The following CHCHD6 variants were observed in gnomAD, a reference collection of about 807,000 sequenced individuals.
CHCHD6 encodes MICOS complex subunit MIC25.
A neutral mutation model predicts 32.3 loss-of-function variants in CHCHD6; 28 were observed. The observed-to-expected ratio is 0.87, with a 90% CI of 0.64 to 1.19. The LOEUF is 1.19. CHCHD6 is among the 50% of genes most tolerant of loss of function. The pLI is 0.00. For synonymous variants in CHCHD6, 122 were observed against 117.5 expected, an observed-to-expected ratio of 1.04 and a Z score of -0.25; for missense variants, 333 against 307.0, an observed-to-expected ratio of 1.08 and a Z score of -0.63.
At chr3:126,833,414 G>A (rs1940720297) in intron 4 of CHCHD6, among the ~76,000 whole-genome samples, 1 of 152,230 alleles carries the variant, frequency 6.6e-6, no homozygotes, top group Non-Finnish European at 1.5e-5. Context: ...CTGCATAAAT[G>A]TGTTAAATTT....
intron 4 of CHCHD6, among the ~76,000 whole-genome samples, chr3:126,737,297 C>T (rs1057327719): frequency 5.3e-5 from 8 of 151,238 alleles, no homozygotes; most frequent in South Asian, 2.1e-4. Flanking sequence ...CCAGCCTGGG[C>T]GACACGGTGA....
intron 4 of CHCHD6, among the ~76,000 whole-genome samples, chr3:126,843,303 G>A (rs1020050016): frequency 2.6e-5 from 4 of 152,066 alleles, no homozygotes; most frequent in African/African-American, 9.7e-5. Flanking sequence ...GAACTGATTT[G>A]CCAGTTTTTC....
At chr3:126,861,322 T>A (rs900343171) in intron 5 of CHCHD6, among the ~76,000 whole-genome samples, 1 of 151,990 alleles carries the variant, frequency 6.6e-6, no homozygotes, top group Non-Finnish European at 1.5e-5. Flanking sequence ...CTTCCCAACG[T>A]GTGTACTAAC....
Position 126,926,658 on chromosome 3 carries a change from G to A in CHCHD6, c.566+11908G>A, listed in dbSNP as rs549042519. Among the ~76,000 whole-genome samples the A allele has an allele frequency of 2.4e-4, 36 of 152,328 alleles. No individual in the cohort carries two copies. In the East Asian group the frequency reaches 5.2e-3, roughly 22 times the overall value. Reference sequence around the variant, plus strand: ...GAGAGGGTAGAGATGAGGCTGGTGGGACAGGGTGGTCCCAATGTGAAGAGC... The same window carrying A: ...GAGAGGGTAGAGATGAGGCTGGTGGAACAGGGTGGTCCCAATGTGAAGAGC... On this transcript the variant is annotated intron_variant, in intron 6 of 7. Coordinates refer to ENST00000290913, the MANE Select transcript of CHCHD6 (RefSeq NM_032343.3).
At chr3:126,913,505 T>C (rs1380820880) in intron 5 of CHCHD6, among the ~76,000 whole-genome samples, 2 of 152,026 alleles carry the variant, frequency 1.3e-5, no homozygotes, top group East Asian at 3.9e-4. Context: ...AAAGTGCCCA[T>C]GTGAGGCTTT....
intron 4 of CHCHD6, among the ~76,000 whole-genome samples, chr3:126,761,896 G>T (rs998896920): frequency 1.3e-5 from 2 of 152,126 alleles, no homozygotes; most frequent in African/African-American, 4.8e-5. Flanking sequence ...GTGTTTCTAA[G>T]AATTAGTCTT....
chr3:126,823,895 A>G (rs1263433581), intron 4 of CHCHD6, among the ~76,000 whole-genome samples: 1 of 151,946 alleles, frequency 6.6e-6, no homozygotes, highest in Non-Finnish European at 1.5e-5. Context: ...AAACAAAAAC[A>G]AAAACAAAAA....
chr3:126,765,955 G>A (rs1576389309), intron 4 of CHCHD6, among the ~76,000 whole-genome samples: 1 of 152,218 alleles, frequency 6.6e-6, no homozygotes, highest in Admixed American at 6.5e-5. Context: ...CAAAGCATGT[G>A]AGCGTGGTTT....
At chr3:126,882,803 T>C (rs1044017201) in intron 5 of CHCHD6, among the ~76,000 whole-genome samples, 1 of 152,150 alleles carries the variant, frequency 6.6e-6, no homozygotes, top group Admixed American at 6.5e-5. Flanking sequence ...AAATATATAT[T>C]TGGTATTCTG....
chr3:126,942,669 C>T (rs2078577384), intron 6 of CHCHD6, among the ~76,000 whole-genome samples: 1 of 152,142 alleles, frequency 6.6e-6, no homozygotes, highest in Non-Finnish European at 1.5e-5. Context: ...CCTTTCTCTG[C>T]CCCAGCCCTG....
chr3:126,834,949 T>G (rs1416456460), intron 4 of CHCHD6, among the ~76,000 whole-genome samples: 1 of 152,130 alleles, frequency 6.6e-6, no homozygotes, highest in Non-Finnish European at 1.5e-5. Flanking sequence ...AGCCCTGGTG[T>G]GTCTGGAGGA....
At chr3:126,802,850 A>T (rs1473532132) in intron 4 of CHCHD6, among the ~76,000 whole-genome samples, 1 of 152,246 alleles carries the variant, frequency 6.6e-6, no homozygotes, top group Non-Finnish European at 1.5e-5. Context: ...AGCCCATCAG[A>T]CTAACAGCTG....
chr3:126,771,889 A>T (rs1937549096), intron 4 of CHCHD6, among the ~76,000 whole-genome samples: 1 of 152,220 alleles, frequency 6.6e-6, no homozygotes, highest in African/African-American at 2.4e-5. Context: ...TAATTTCATT[A>T]CTTACCCAAA....
intron 6 of CHCHD6, among the ~76,000 whole-genome samples, chr3:126,926,843 C>T (rs1180728409): frequency 1.3e-5 from 2 of 152,146 alleles, no homozygotes; most frequent in East Asian, 3.9e-4. Context: ...AGAGCAGAGA[C>T]AACACTGCCA....
chr3:126,933,970 A>G (rs535988764), intron 6 of CHCHD6, among the ~76,000 whole-genome samples: 6 of 152,312 alleles, frequency 3.9e-5, no homozygotes, highest in African/African-American at 1.4e-4. Context: ...CGCTCTGCCT[A>G]TAACCAGAGA....
intron 4 of CHCHD6, among the ~76,000 whole-genome samples, chr3:126,803,443 C>A (rs1939187800): frequency 6.6e-6 from 1 of 152,010 alleles, no homozygotes; most frequent in Non-Finnish European, 1.5e-5. Context: ...GACTTTAAAC[C>A]AACAAAGATC....
intron 4 of CHCHD6, among the ~76,000 whole-genome samples, chr3:126,809,586 C>G (rs1386752260): frequency 6.6e-6 from 1 of 152,148 alleles, no homozygotes; most frequent in Non-Finnish European, 1.5e-5. Context: ...ATGTCTGTGT[C>G]CGCTCTTGTG....
intron 4 of CHCHD6, among the ~76,000 whole-genome samples, chr3:126,837,384 T>C (rs958473788): frequency 5.0e-4 from 76 of 152,160 alleles, no homozygotes; most frequent in African/African-American, 1.8e-3. Context: ...GGCAACATAG[T>C]GAGACCCCAT....
chr3:126,732,804 TGCC>T (rs1215133746), intron 3 of CHCHD6, among the ~76,000 whole-genome samples: 5 of 152,218 alleles, frequency 3.3e-5, no homozygotes, highest in Non-Finnish European at 5.9e-5. Context: ...GGCATGGGGC[TGCC>T]TACTTGGCCA....
Sources: allele counts gnomAD v4.1 joint callset (sites outside exome capture counted in the v4.1 genomes callset), GRCh38; gene constraint gnomAD v4.1.1; transcripts MANE v1.5; gene names NCBI Gene and HGNC (gene_info 2026-07-23, HGNC 2026-07-21).